Variants in SMIM44 observed in about 807,000 individuals in gnomAD.
The protein encoded by SMIM44 is small integral membrane protein 44.
the SMIM44 span, chr19:3,483,270 A>C: frequency 1.0e-5 from 4 of 398,446 alleles, no homozygotes; most frequent in African/African-American, 8.2e-5. Context: ...CACCACCACC[A>C]GCGCGGCCAG....
At chr19:3,482,746 G>A in the SMIM44 span, 1 of 397,512 alleles carries the variant, frequency 2.5e-6, no homozygotes, top group Non-Finnish European at 4.4e-6. Flanking sequence ...AAAGGGCTCC[G>A]GCGCGCGTAA....
the SMIM44 span, chr19:3,482,656 C>T: frequency 5.1e-6 from 2 of 394,602 alleles, no homozygotes; most frequent in Non-Finnish European, 8.9e-6. Flanking sequence ...ATGTGAAAGT[C>T]GCCAGCGTCC....
At chr19:3,482,312 G>T in the SMIM44 span, among the ~76,000 whole-genome samples, 1 of 152,154 alleles carries the variant, frequency 6.6e-6, no homozygotes, top group Admixed American at 6.6e-5. Flanking sequence ...AGAGGGGGTG[G>T]GGGCAGGACC....
chr19:3,483,351 G>A, the SMIM44 span: 1 of 398,180 alleles, frequency 2.5e-6, no homozygotes, highest in Non-Finnish European at 4.4e-6. Flanking sequence ...CTCGTACAGC[G>A]GCGGGGACGG....
the SMIM44 span, chr19:3,482,719 C>A: frequency 2.5e-6 from 1 of 396,916 alleles, no homozygotes. Flanking sequence ...TGCGACCGGG[C>A]AGCTCAGGGT....
chr19:3,483,113 T>C, the SMIM44 span: 5 of 398,310 alleles, frequency 1.3e-5, no homozygotes, highest in Non-Finnish European at 2.2e-5. Context: ...TGTCCCCTCC[T>C]CAGCTAGGAG....
chr19:3,482,724 CAGGGTTTGCAGAAAGG>C, the SMIM44 span: 1 of 397,110 alleles, frequency 2.5e-6, no homozygotes. Flanking sequence ...CCGGGCAGCT[CAGGGTTTGCAGAAAGG>C]GCTCCGGCGC....
chr19:3,482,315 G>C, the SMIM44 span, among the ~76,000 whole-genome samples: 6 of 152,170 alleles, frequency 3.9e-5, no homozygotes, highest in Admixed American at 1.3e-4. Context: ...GGGGGTGGGG[G>C]CAGGACCCGC....
chr19:3,483,409 C>A, the SMIM44 span: 1 of 397,846 alleles, frequency 2.5e-6, no homozygotes, highest in South Asian at 1.3e-4. Flanking sequence ...GGCATGGTGT[C>A]CGCCCGGCAC....
the SMIM44 span, among the ~76,000 whole-genome samples, chr19:3,482,157 T>C: frequency 6.6e-6 from 1 of 152,198 alleles, no homozygotes; most frequent in East Asian, 1.9e-4. Flanking sequence ...TATCCCGTCT[T>C]GTGCAGGGCT....
At chr19:3,482,563 T>C in the SMIM44 span, among the ~76,000 whole-genome samples, 1 of 152,206 alleles carries the variant, frequency 6.6e-6, no homozygotes, top group Non-Finnish European at 1.5e-5. Flanking sequence ...CCGATAATAT[T>C]ACAACGTTTT....
chr19:3,483,155 G>A, the SMIM44 span: 1 of 398,326 alleles, frequency 2.5e-6, no homozygotes. Flanking sequence ...ACCCACCCAG[G>A]GTGACCCAGC....
chr19:3,482,316 C>T, the SMIM44 span, among the ~76,000 whole-genome samples: 5 of 152,160 alleles, frequency 3.3e-5, no homozygotes, highest in African/African-American at 1.2e-4. Context: ...GGGGTGGGGG[C>T]AGGACCCGCC....
the SMIM44 span, chr19:3,482,965 C>G: frequency 2.0e-5 from 8 of 398,248 alleles, no homozygotes; most frequent in Admixed American, 1.3e-4. Context: ...AGCTGCAGGT[C>G]CAGCCCCTCC....
chr19:3,482,844 G>C, the SMIM44 span: 1 of 398,144 alleles, frequency 2.5e-6, no homozygotes. Context: ...TCGGGATGGG[G>C]GGTCCTTGAA....
chr19:3,482,286 G>A, the SMIM44 span, among the ~76,000 whole-genome samples: 9 of 152,232 alleles, frequency 5.9e-5, no homozygotes, highest in Non-Finnish European at 8.8e-5. Context: ...AAGATTTGGA[G>A]GTAGGGGAGC....
chr19:3,483,386 G>A, the SMIM44 span: 1 of 397,956 alleles, frequency 2.5e-6, no homozygotes, highest in Non-Finnish European at 4.4e-6. Context: ...CCTCCCCCTC[G>A]GCCGCCAGCC....
chr19:3,483,079 T>A, the SMIM44 span: 4 of 398,328 alleles, frequency 1.0e-5, no homozygotes, highest in Non-Finnish European at 1.3e-5. Flanking sequence ...GTGAGGCAAC[T>A]CCCCGGCCCC....
chr19:3,482,452 G>T, the SMIM44 span, among the ~76,000 whole-genome samples: 1 of 152,238 alleles, frequency 6.6e-6, no homozygotes, highest in African/African-American at 2.4e-5. Context: ...TCTGTTAAGT[G>T]GGGGCGATCA....
Sources: gnomAD v4.1 joint callset for allele counts (sites outside exome capture counted in the v4.1 genomes callset) on GRCh38, gnomAD v4.1.1 for gene constraint, MANE v1.5 for transcripts, NCBI Gene and HGNC (gene_info 2026-07-23, HGNC 2026-07-21) for gene names.